Variants in GSTT2B observed in about 807,000 individuals in gnomAD.
GSTT2B encodes glutathione S-transferase theta 2B.
GSTT2B carries 4 observed loss-of-function variants against 16.6 expected under a neutral mutation model. The observed-to-expected ratio is 0.24, with a 90% CI of 0.12 to 0.55. GSTT2B has a LOEUF of 0.55. Among genes scored for constraint, GSTT2B ranks in the 20% least tolerant of loss-of-function variants. The probability of loss-of-function intolerance (pLI) is 0.94; values close to 1 mark genes in which losing one functional copy is unlikely to be tolerated. For missense variants in GSTT2B, 27 were observed against 266.1 expected (o/e 0.10, Z 6.25); for synonymous variants, 9 against 110.9 (o/e 0.08, Z 5.77).
At position 23,959,673 on chromosome 22, in the gene GSTT2B, G is replaced by C. The variant is rs994873657; in HGVS notation, c.200+621C>G. On this transcript the variant is annotated intron_variant, in intron 2 of 4. Coordinates refer to ENST00000290765, the MANE Select transcript of GSTT2B (RefSeq NM_001080843.4). ...GCTCATTGCAAGCTCCGCCTCCTGG[G>C]TTCACGCCATTCTCCTGCCTCAGCC... 1.9e-5 allele frequency among the ~76,000 whole-genome samples: 2 copies of C among 103,464 alleles called. 1 individual carries two copies. The highest frequency in any genetic ancestry group is 5.3e-4 in the East Asian group (2 of 3,798). The allele number at this position is 103,464 out of a possible 152,430, so 67.9% of individuals were successfully genotyped here.
chr22:23,959,943 A>T (rs1169177902), intron 2 of GSTT2B, among the ~76,000 whole-genome samples: 1 of 99,148 alleles, frequency 1.0e-5, no homozygotes, highest in East Asian at 2.7e-4. Flanking sequence ...AGCACACTGC[A>T]AGCTCCGCTT....
intron 1 of GSTT2B, among the ~76,000 whole-genome samples, chr22:23,960,710 C>T (rs1378705648): frequency 9.3e-6 from 1 of 107,700 alleles, no homozygotes; most frequent in Non-Finnish European, 2.1e-5. Context: ...TCCTTCTTCC[C>T]AAGGTCTTCT....
chr22:23,959,830 GCCT>G (rs1305523602), intron 2 of GSTT2B, among the ~76,000 whole-genome samples: 1 of 91,652 alleles, frequency 1.1e-5, no homozygotes, highest in Admixed American at 1.2e-4. Context: ...GCCCACCTCG[GCCT>G]CCCAAAGTGC....
At chr22:23,960,226 G>C in intron 2 of GSTT2B, 68 bp downstream of exon 2, 3 of 1,576,164 alleles carry the variant, frequency 1.9e-6, no homozygotes, top group Admixed American at 1.7e-5. Context: ...ACTGGGGCCC[G>C]GGGCCAGTGG....
chr22:23,959,639 G>C (rs1164592366), intron 2 of GSTT2B, among the ~76,000 whole-genome samples: 1 of 102,392 alleles, frequency 9.8e-6, no homozygotes, highest in African/African-American at 3.0e-5. Flanking sequence ...GTGCAGTGGT[G>C]CTATCTCTGC....
Position 23,958,555 on chromosome 22 carries a change from ACCCACAGGG to A in GSTT2B, c.338_346del (p.Pro113_Val116delinsLeu). ...TCTCCAGATGGCTCTCCTCACCTGG[ACCCACAGGG>A]GTATACCAAAGGTGCCACGGATGCA... is the stretch of plus-strand genomic sequence containing the variant. On this transcript the variant is annotated inframe_deletion, in exon 3 of 5. Coordinates refer to ENST00000290765, the MANE Select transcript of GSTT2B (RefSeq NM_001080843.4). 1 of 1,276,244 alleles carries A rather than the reference ACCCACAGGG, an allele frequency of 7.8e-7. No homozygotes were observed. Among genetic ancestry groups the A allele is most frequent in the Non-Finnish European group, 1.1e-6 (1 of 898,902 alleles). 79.1% of individuals were successfully genotyped at this position (1,276,244 alleles called of 1,614,324 possible).
rs1482386108 is a variant in GSTT2B at position 23,960,261 on chromosome 22, C to T, written c.200+33G>A. 4.3e-6 allele frequency: 7 copies of T among 1,610,678 alleles called. No homozygotes were observed. The African/African-American group carries it at 5.3e-5, about 12-fold the overall frequency. On this transcript the variant is annotated intron_variant, in intron 2 of 4. Transcript: ENST00000290765. ...GGGAGAGCCAAGGTCACATGGGCTC[C>T]GGATGCGGTGAGGGGTGAGGGAAGG...
chr22:23,958,814 CCAG>C lies in GSTT2B; in HGVS notation c.201-116_201-114del. The stretch of plus-strand genomic sequence containing the variant: ...TTCTCTGCATTTGAAGGACTGCCCT[CCAG>C]CCTCGCCCTCCATCTCCAGCTCCCC... On this transcript the variant is annotated intron_variant, in intron 2 of 4. Coordinates refer to ENST00000290765, the MANE Select transcript of GSTT2B (RefSeq NM_001080843.4). 8.8e-6 allele frequency: 4 copies of C among 454,672 alleles called. No individual in the cohort carries two copies. The East Asian group carries it at 1.3e-4, about 15-fold the overall frequency. The allele number at this position is 454,672 out of a possible 1,614,324, so 28.2% of individuals were successfully genotyped here.
intron 2 of GSTT2B, 65 bp downstream of exon 2, chr22:23,960,229 G>A (rs2033824190): frequency 3.8e-6 from 6 of 1,581,730 alleles, no homozygotes; most frequent in Admixed American, 3.3e-5. Flanking sequence ...GGGGCCCGGG[G>A]CCAGTGGGGA....
chr22:23,960,253 A>G (rs1159371938), intron 2 of GSTT2B, 41 bp downstream of exon 2: 32 of 1,608,272 alleles, frequency 2.0e-5, no homozygotes, highest in Non-Finnish European at 2.4e-5. Context: ...CCAAGGTCAC[A>G]TGGGCTCCGG....
chr22:23,960,343 G>T lies in GSTT2B; in HGVS notation c.151C>A (p.Leu51Met), dbSNP rs1569027846. ...TCCTTGAGCGTCGGCAGTTTCCCCA[G>T]GCTGTTGATCTGCAAGAACTCCTTG... ...KSKEFLQINS[L>M]GKLPTLKDGD... The change falls in exon 2 of 5, where the codon CTG becomes ATG. Residue 51 changes from leucine (L) to methionine (M), a missense_variant. Coordinates refer to ENST00000290765, the MANE Select transcript of GSTT2B (RefSeq NM_001080843.4). 6.2e-7 allele frequency: 1 copy of T among 1,612,104 alleles called. No individual in the cohort carries two copies. The highest frequency in any genetic ancestry group is 8.5e-7 in the Non-Finnish European group (1 of 1,178,968).
chr22:23,960,154 C>A lies in GSTT2B; in HGVS notation c.200+140G>T, dbSNP rs539030446. On this transcript the variant is annotated intron_variant, in intron 2 of 4. Transcript: ENST00000290765. ...TGCCGGGATGACAGGCGTGAGCCACCGCGCCCGGCCAGATCCCTCGCCTTT... is the reference window on the plus strand; with the variant it reads ...TGCCGGGATGACAGGCGTGAGCCACAGCGCCCGGCCAGATCCCTCGCCTTT... The A allele has an allele frequency of 5.5e-3, 4,861 of 886,698 alleles. 75 individuals are homozygous for A. Among genetic ancestry groups the A allele is most frequent in the Middle Eastern group, 7.7e-3 (26 of 3,358 alleles). 54.9% of individuals were successfully genotyped at this position (886,698 alleles called of 1,614,324 possible).
Position 23,960,019 on chromosome 22 carries a change from A to G in GSTT2B, c.200+275T>C, listed in dbSNP as rs1386838690. Among the ~76,000 whole-genome samples, 3 of 139,218 alleles carry G rather than the reference A, an allele frequency of 2.2e-5. 1 individual carries two copies. Among genetic ancestry groups the G allele is most frequent in the Non-Finnish European group, 4.7e-5 (3 of 63,824 alleles). The allele number at this position is 139,218 out of a possible 152,430, so 91.3% of individuals were successfully genotyped here. A position where few individuals can be genotyped will look rare whatever the true frequency, so the allele number is the denominator to read the frequency against. ...GCTGGGACTACAGACGCCCGCCACC[A>G]CGCCCGGTTAATTTTTTTTCCATTT... On this transcript the variant is annotated intron_variant, in intron 2 of 4. Coordinates refer to ENST00000290765, the MANE Select transcript of GSTT2B (RefSeq NM_001080843.4).
chr22:23,960,741 C>T (rs1347060508), intron 1 of GSTT2B, among the ~76,000 whole-genome samples: 1 of 122,508 alleles, frequency 8.2e-6, no homozygotes, highest in East Asian at 2.4e-4. Context: ...AATTTATATG[C>T]GTGCATTCCA....
At chr22:23,960,096 A>G (rs1214472911) in intron 2 of GSTT2B, among the ~76,000 whole-genome samples, 198 bp downstream of exon 2, 3 of 148,572 alleles carry the variant, frequency 2.0e-5, no homozygotes, top group African/African-American at 7.4e-5. Flanking sequence ...CGGTCTCCTG[A>G]CCTCGTGATC....
rs2033826823 is a variant in GSTT2B at position 23,960,357 on chromosome 22, A to G, written c.137T>C (p.Leu46Ser). 3.7e-6 allele frequency: 6 copies of G among 1,611,614 alleles called. No individual in the cohort carries two copies. Among genetic ancestry groups the G allele is most frequent in the Non-Finnish European group, 3.4e-6 (4 of 1,178,746 alleles). Residue 46 changes from leucine (L) to serine (S), a missense_variant, in exon 2 of 5, where the codon TTG becomes TCG. Coordinates refer to ENST00000290765, the MANE Select transcript of GSTT2B (RefSeq NM_001080843.4). ...CAGTTTCCCCAGGCTGTTGATCTGCAAGAACTCCTTGCTCTTGTGCTGCCC... is the reference window on the plus strand; with the variant it reads ...CAGTTTCCCCAGGCTGTTGATCTGCGAGAACTCCTTGCTCTTGTGCTGCCC... ...VKGQHKSKEFLQINSLGKLPT... is the reference protein window; with the variant it reads ...VKGQHKSKEFSQINSLGKLPT...
chr22:23,959,949 C>T (rs1423624728), intron 2 of GSTT2B, among the ~76,000 whole-genome samples: 2 of 104,950 alleles, frequency 1.9e-5, no homozygotes, highest in African/African-American at 3.1e-5. Flanking sequence ...CTGCAAGCTC[C>T]GCTTCCTGGG....
chr22:23,960,061 T>G (rs2033820949), intron 2 of GSTT2B, among the ~76,000 whole-genome samples: 1 of 148,934 alleles, frequency 6.7e-6, no homozygotes, highest in Non-Finnish European at 1.5e-5. Context: ...GAGACGGTGT[T>G]TCACGGTGTT....
chr22:23,960,437 C>G, intron 1 of GSTT2B, 56 bp from the exon 2 acceptor site: 1 of 1,496,934 alleles, frequency 6.7e-7, no homozygotes, highest in Non-Finnish European at 9.2e-7. Flanking sequence ...CACCTCTACA[C>G]CCTCCCTCCT....
Sources: allele counts gnomAD v4.1 joint callset (sites outside exome capture counted in the v4.1 genomes callset), GRCh38; gene constraint gnomAD v4.1.1; transcripts MANE v1.5; gene names NCBI Gene and HGNC (gene_info 2026-07-23, HGNC 2026-07-21).